SLX4IP: variants seen among roughly 807,000 people sequenced by gnomAD.
The protein encoded by SLX4IP is SLX4 interacting protein, also known as protein SLX4IP.
Under a neutral mutation model 32.9 loss-of-function variants are expected in SLX4IP, and 34 were observed. The ratio of observed to expected loss-of-function variants is 1.03; its 90% CI spans 0.79 to 1.38. The LOEUF is 1.38. Among genes scored for constraint, SLX4IP ranks in the 40% most tolerant of loss-of-function variants. The pLI is 0.00. For missense variants in SLX4IP, 444 were observed against 479.0 expected (o/e 0.93, Z 0.68); for synonymous variants, 172 against 171.7 (o/e 1.00, Z -0.01).
At chr20:10,483,824 A>G (rs929371498) in intron 2 of SLX4IP, among the ~76,000 whole-genome samples, 7 of 127,152 alleles carry the variant, frequency 5.5e-5, no homozygotes, top group Admixed American at 4.9e-4. Context: ...CATAAAACCT[A>G]GGAAGGAGTT....
intron 1 of SLX4IP, among the ~76,000 whole-genome samples, chr20:10,452,676 A>ATATATATATATATATAT (rs764822188): frequency 2.0e-5 from 2 of 97,968 alleles, no homozygotes; most frequent in African/African-American, 7.2e-5. Flanking sequence ...AAAAAAAAAA[A>ATATATATATATATATAT]AAAAATATAT....
intron 4 of SLX4IP, among the ~76,000 whole-genome samples, chr20:10,566,282 CATTTTTTTTTTTTTT>C (rs1473061261): frequency 9.0e-6 from 1 of 111,114 alleles, no homozygotes. Context: ...GAACTGATTA[CATTTTTTTTTTTTTT>C]TTTTTTTTTT....
intron 4 of SLX4IP, among the ~76,000 whole-genome samples, chr20:10,577,289 G>C (rs2066533649): frequency 6.6e-6 from 1 of 152,008 alleles, no homozygotes; most frequent in Non-Finnish European, 1.5e-5. Flanking sequence ...CTTATGATGA[G>C]GGTTTTTCAT....
chr20:10,554,246 A>T (rs750986270), intron 2 of SLX4IP, among the ~76,000 whole-genome samples: 1 of 152,186 alleles, frequency 6.6e-6, no homozygotes, highest in Non-Finnish European at 1.5e-5. Flanking sequence ...CTTTTGCTCA[A>T]CCTAATGTTT....
intron 2 of SLX4IP, among the ~76,000 whole-genome samples, chr20:10,535,253 T>A (rs904062789): frequency 6.6e-6 from 1 of 152,138 alleles, no homozygotes; most frequent in Non-Finnish European, 1.5e-5. Flanking sequence ...GGTCTCAGAA[T>A]TGGATAAGTC....
At chr20:10,548,213 A>G (rs1225077859) in intron 2 of SLX4IP, among the ~76,000 whole-genome samples, 1 of 152,056 alleles carries the variant, frequency 6.6e-6, no homozygotes, top group Admixed American at 6.5e-5. Flanking sequence ...ACATTCTCCT[A>G]TTAGTCATCA....
At chr20:10,482,419 T>G (rs1254452254) in intron 2 of SLX4IP, among the ~76,000 whole-genome samples, 1 of 152,240 alleles carries the variant, frequency 6.6e-6, no homozygotes, top group Non-Finnish European at 1.5e-5. Context: ...TCTTCCCTCT[T>G]TATCTGAGGC....
At chr20:10,522,319 C>T (rs1026262387) in intron 2 of SLX4IP, among the ~76,000 whole-genome samples, 3 of 152,176 alleles carry the variant, frequency 2.0e-5, no homozygotes, top group African/African-American at 7.2e-5. Context: ...CTAACACTCT[C>T]AGTGACAGAA....
intron 2 of SLX4IP, among the ~76,000 whole-genome samples, chr20:10,512,758 T>C (rs1401904643): frequency 2.0e-5 from 2 of 98,680 alleles, no homozygotes; most frequent in Non-Finnish European, 4.0e-5. Context: ...ATTTTATGTA[T>C]ATATATACAC....
At position 10,547,653 on chromosome 20, in the gene SLX4IP, G is replaced by A. The variant is rs528645286; in HGVS notation, c.28-8578G>A. ...CAATTCACGAGTGACAGTATTCTGT[G>A]CATACCTGGGGCAACCTTAGTTGTA... is the stretch of plus-strand genomic sequence containing the variant. On this transcript the variant is annotated intron_variant, in intron 2 of 7. Coordinates refer to ENST00000334534, the MANE Select transcript of SLX4IP (RefSeq NM_001009608.3). Among the ~76,000 whole-genome samples the A allele has an allele frequency of 4.6e-5, 7 of 152,316 alleles. No individual in the cohort carries two copies. In the South Asian group the frequency reaches 1.0e-3, roughly 23 times the overall value.
At chr20:10,565,333 G>C (rs183498668) in intron 4 of SLX4IP, among the ~76,000 whole-genome samples, 512 of 152,272 alleles carry the variant, frequency 3.4e-3, no homozygotes, top group South Asian at 0.025. Context: ...ATAGGATCTC[G>C]GGGAGTGCTG....
rs576176958 is a variant in SLX4IP at position 10,604,022 on chromosome 20, A to T, written c.405+2203A>T. Reference sequence around the variant, plus strand: ...CTTCTGCCTGAGAGAAGGCATTCTTATCACTTGTTCCATACTTCAAATGCC... The same window carrying T: ...CTTCTGCCTGAGAGAAGGCATTCTTTTCACTTGTTCCATACTTCAAATGCC... On this transcript the variant is annotated intron_variant, in intron 6 of 7. Transcript: ENST00000334534. Among the ~76,000 whole-genome samples, 4 of 152,334 alleles carry T rather than the reference A, an allele frequency of 2.6e-5. No homozygotes were observed. The East Asian group carries it at 5.8e-4, about 22-fold the overall frequency.
intron 1 of SLX4IP, among the ~76,000 whole-genome samples, chr20:10,438,375 C>G (rs1417481737): frequency 2.0e-5 from 3 of 152,004 alleles, no homozygotes; most frequent in Non-Finnish European, 4.4e-5. Context: ...TAAAAGTTTC[C>G]TCTTGCCGCA....
At chr20:10,606,323 A>G (rs1209620779) in intron 6 of SLX4IP, among the ~76,000 whole-genome samples, 2 of 152,306 alleles carry the variant, frequency 1.3e-5, no homozygotes, top group South Asian at 2.1e-4. Flanking sequence ...TGATGTTTGT[A>G]CCCTCATGAC....
chr20:10,600,339 G>C (rs934281893), intron 5 of SLX4IP, among the ~76,000 whole-genome samples: 4 of 152,168 alleles, frequency 2.6e-5, no homozygotes, highest in African/African-American at 9.7e-5. Flanking sequence ...CAGAACAACA[G>C]GTTAATCCCT....
At chr20:10,537,608 A>T (rs2066059509) in intron 2 of SLX4IP, among the ~76,000 whole-genome samples, 1 of 152,198 alleles carries the variant, frequency 6.6e-6, no homozygotes, top group African/African-American at 2.4e-5. Flanking sequence ...ATGCTGGATC[A>T]GTTTGATATT....
At chr20:10,567,998 AAC>A (rs750074938) in intron 4 of SLX4IP, among the ~76,000 whole-genome samples, 2 of 152,250 alleles carry the variant, frequency 1.3e-5, no homozygotes, top group Non-Finnish European at 2.9e-5. Context: ...TGGTCAGAGA[AAC>A]ACACAGACAT....
intron 1 of SLX4IP, among the ~76,000 whole-genome samples, chr20:10,443,133 GT>G (rs1430436040): frequency 6.6e-6 from 1 of 152,062 alleles, no homozygotes; most frequent in African/African-American, 2.4e-5. Context: ...TAGGTCCAGA[GT>G]GCTTGACCTC....
chr20:10,474,511 A>T (rs1159989903), intron 2 of SLX4IP, among the ~76,000 whole-genome samples: 1 of 151,586 alleles, frequency 6.6e-6, no homozygotes, highest in Admixed American at 6.6e-5. Flanking sequence ...TCCCTTCTTT[A>T]CTTTAGGTAT....
Sources: allele counts gnomAD v4.1 joint callset (sites outside exome capture counted in the v4.1 genomes callset), GRCh38; gene constraint gnomAD v4.1.1; transcripts MANE v1.5; gene names NCBI Gene and HGNC (gene_info 2026-07-23, HGNC 2026-07-21).